CNTN4: variants seen among roughly 807,000 people sequenced by gnomAD.
CNTN4 encodes the protein contactin 4, also known as contactin-4.
In CNTN4, 77 loss-of-function variants were observed where a neutral mutation model predicts 122.5. The observed-to-expected ratio is 0.63, with a 90% CI of 0.52 to 0.76. The LOEUF is 0.76. Among genes scored for constraint, CNTN4 ranks in the 30% least tolerant of loss-of-function variants. The pLI is 0.00. For synonymous variants in CNTN4, 512 were observed against 447.0 expected, an observed-to-expected ratio of 1.15 and a Z score of -1.83; for missense variants, 1,256 against 1,259.1, an observed-to-expected ratio of 1.00 and a Z score of 0.04.
chr3:2,377,534 G>C (rs1406703774), intron 3 of CNTN4, among the ~76,000 whole-genome samples: 2 of 152,132 alleles, frequency 1.3e-5, no homozygotes, highest in Non-Finnish European at 2.9e-5. Flanking sequence ...CATTGTCTTT[G>C]CACAGTATCA....
At chr3:2,267,138 C>A (rs2041085273) in intron 2 of CNTN4, among the ~76,000 whole-genome samples, 1 of 152,088 alleles carries the variant, frequency 6.6e-6, no homozygotes. Flanking sequence ...CACCTCCTTT[C>A]CTGGCTTCTG....
At chr3:2,579,276 C>G (rs1265979495) in intron 4 of CNTN4, among the ~76,000 whole-genome samples, 25 of 152,312 alleles carry the variant, frequency 1.6e-4, no homozygotes, top group Admixed American at 1.6e-3. Context: ...AAAAACCAGA[C>G]AAGTGAAAAT....
intron 4 of CNTN4, among the ~76,000 whole-genome samples, chr3:2,578,094 C>T (rs9822788): frequency 0.01 from 1,520 of 151,964 alleles, 25 homozygotes; most frequent in African/African-American, 0.035. Flanking sequence ...CAAGGAAGAC[C>T]CCTGGATTGA....
intron 2 of CNTN4, among the ~76,000 whole-genome samples, chr3:2,170,718 A>T (rs1161165198): frequency 2.0e-5 from 3 of 152,172 alleles, no homozygotes; most frequent in African/African-American, 7.2e-5. Flanking sequence ...GGAATGGGAG[A>T]CTTTACTAGA....
At chr3:2,343,290 G>T (rs552199099) in intron 3 of CNTN4, among the ~76,000 whole-genome samples, 7 of 152,094 alleles carry the variant, frequency 4.6e-5, no homozygotes, top group Admixed American at 6.6e-5. Context: ...CATTGCCGAT[G>T]AAAAATGGAA....
At chr3:2,192,849 CATT>C (rs1258142653) in intron 2 of CNTN4, among the ~76,000 whole-genome samples, 1 of 152,108 alleles carries the variant, frequency 6.6e-6, no homozygotes, top group Non-Finnish European at 1.5e-5. Flanking sequence ...TGAGGTCAAA[CATT>C]TGTTGTTGTC....
At chr3:2,930,512 T>C (rs1218881574) in intron 13 of CNTN4, among the ~76,000 whole-genome samples, 1 of 152,238 alleles carries the variant, frequency 6.6e-6, no homozygotes, top group African/African-American at 2.4e-5. Context: ...ATTAATAAAC[T>C]GTCACTCTCA....
At chr3:2,260,397 G>A (rs959632872) in intron 2 of CNTN4, among the ~76,000 whole-genome samples, 2 of 151,740 alleles carry the variant, frequency 1.3e-5, no homozygotes, top group South Asian at 2.1e-4. Flanking sequence ...GAGAACCTCC[G>A]GATTAAATTA....
intron 7 of CNTN4, among the ~76,000 whole-genome samples, chr3:2,821,695 T>G (rs1047612817): frequency 6.6e-6 from 1 of 152,168 alleles, no homozygotes; most frequent in Non-Finnish European, 1.5e-5. Flanking sequence ...TAACTGCACA[T>G]AAGGGATTCA....
At chr3:2,439,430 A>G (rs949974415) in intron 3 of CNTN4, among the ~76,000 whole-genome samples, 11 of 152,088 alleles carry the variant, frequency 7.2e-5, no homozygotes, top group African/African-American at 2.4e-4. Context: ...TTGGTATCAT[A>G]ATAATATGAT....
intron 2 of CNTN4, among the ~76,000 whole-genome samples, chr3:2,190,327 T>C (rs1011780569): frequency 3.4e-5 from 5 of 146,952 alleles, no homozygotes; most frequent in Admixed American, 2.7e-4. Flanking sequence ...GTGTGTGTCT[T>C]TGTGTTTTTT....
Position 2,176,131 on chromosome 3 carries a change from G to A in CNTN4, c.-145+75492G>A, listed in dbSNP as rs572482303. On this transcript the variant is annotated intron_variant, in intron 2 of 24. Coordinates refer to ENST00000418658, the MANE Select transcript of CNTN4 (RefSeq NM_175607.3). ...TGCACAGGTACTTGTCATGCTTCCT[G>A]AAATCACACAGAACATGCATTAACT... 1.5e-3 allele frequency among the ~76,000 whole-genome samples: 230 copies of A among 152,224 alleles called. 1 individual carries two copies. The highest frequency in any genetic ancestry group is 5.4e-3 in the African/African-American group (223 of 41,544).
intron 6 of CNTN4, among the ~76,000 whole-genome samples, chr3:2,801,969 A>G (rs1290022896): frequency 6.6e-6 from 1 of 152,226 alleles, no homozygotes; most frequent in Non-Finnish European, 1.5e-5. Flanking sequence ...CTATTTGCTA[A>G]AAATAAGTAC....
At chr3:2,674,537 A>G (rs1184014746) in intron 4 of CNTN4, among the ~76,000 whole-genome samples, 1 of 152,208 alleles carries the variant, frequency 6.6e-6, no homozygotes, top group East Asian at 1.9e-4. Flanking sequence ...CAGGTGGATC[A>G]CTTGAGGTCA....
At chr3:2,671,142 C>G (rs956428790) in intron 4 of CNTN4, among the ~76,000 whole-genome samples, 1 of 152,132 alleles carries the variant, frequency 6.6e-6, no homozygotes. Context: ...GTTGGCCTGC[C>G]TTGCTAGATT....
intron 14 of CNTN4, among the ~76,000 whole-genome samples, chr3:3,014,963 T>C (rs577899413): frequency 4.0e-4 from 60 of 149,448 alleles, no homozygotes; most frequent in Non-Finnish European, 7.6e-4. Context: ...TTGGACTAAA[T>C]GTCCAGTGAC....
intron 3 of CNTN4, among the ~76,000 whole-genome samples, chr3:2,569,744 C>T (rs1361385064): frequency 6.6e-6 from 1 of 151,952 alleles, no homozygotes; most frequent in South Asian, 2.1e-4. Context: ...AATGAGATCT[C>T]CCGGTTCCAT....
chr3:2,907,204 C>G (rs1368787434), intron 12 of CNTN4, among the ~76,000 whole-genome samples: 1 of 152,154 alleles, frequency 6.6e-6, no homozygotes. Flanking sequence ...ACTAAATTGT[C>G]ATTACCTATG....
chr3:2,486,068 T>G (rs1057365379), intron 3 of CNTN4, among the ~76,000 whole-genome samples: 1 of 152,262 alleles, frequency 6.6e-6, no homozygotes, highest in East Asian at 1.9e-4. Flanking sequence ...CTCGAAGGTC[T>G]GCAGCTTCTC....
Sources: allele counts gnomAD v4.1 joint callset (sites outside exome capture counted in the v4.1 genomes callset), GRCh38; gene constraint gnomAD v4.1.1; transcripts MANE v1.5; gene names NCBI Gene and HGNC (gene_info 2026-07-23, HGNC 2026-07-21).